Variants in PLEKHA8 observed in about 807,000 individuals in gnomAD.
PLEKHA8 encodes the protein pleckstrin homology domain-containing family A member 8.
Under a neutral mutation model 68.2 loss-of-function variants are expected in PLEKHA8, and 36 were observed. The observed-to-expected ratio is 0.53, with a 90% CI of 0.40 to 0.70. The LOEUF (loss-of-function observed/expected upper bound fraction) is 0.70. PLEKHA8 is among the 30% of genes least tolerant of loss of function. The pLI is 0.00. For missense variants in PLEKHA8, 505 were observed against 615.4 expected, an observed-to-expected ratio of 0.82 and a Z score of 1.90; for synonymous variants, 211 against 216.1, an observed-to-expected ratio of 0.98 and a Z score of 0.20.
Position 30,082,253 on chromosome 7 carries a change from C to T in PLEKHA8, c.*3466C>T. 1.0e-6 allele frequency: 1 copy of T among 985,458 alleles called. No individual in the cohort carries two copies. Among genetic ancestry groups the T allele is most frequent in the African/African-American group, 1.7e-5 (1 of 57,340 alleles). The allele number at this position is 985,458 out of a possible 1,614,324, so 61.0% of individuals were successfully genotyped here. On this transcript the variant is annotated 3_prime_UTR_variant, in exon 14 of 14. Coordinates refer to ENST00000449726, the MANE Select transcript of PLEKHA8 (RefSeq NM_001197026.2). ...GGGATTTCTGAACTCCATAGTCCAG[C>T]GTTGTTGCTTTTCTCTCTTCTTTGC... is the stretch of plus-strand genomic sequence containing the variant.
At chr7:30,116,145 C>T (rs534702003) in intron 13 of PLEKHA8, among the ~76,000 whole-genome samples, 7 of 151,098 alleles carry the variant, frequency 4.6e-5, no homozygotes, top group South Asian at 2.1e-4. Flanking sequence ...TGTATACATA[C>T]GCATACATAC....
At chr7:30,101,548 C>A (rs1291747847) in intron 13 of PLEKHA8, among the ~76,000 whole-genome samples, 1 of 152,070 alleles carries the variant, frequency 6.6e-6, no homozygotes, top group African/African-American at 2.4e-5. Flanking sequence ...CACAGCAGTC[C>A]CATTCATGAG....
chr7:30,072,431 C>T (rs1251653928), intron 12 of PLEKHA8, among the ~76,000 whole-genome samples: 1 of 152,238 alleles, frequency 6.6e-6, no homozygotes, highest in African/African-American at 2.4e-5. Context: ...AATAAAGCCT[C>T]ACTCCAATTT....
intron 13 of PLEKHA8, among the ~76,000 whole-genome samples, chr7:30,120,582 G>T (rs1191396649): frequency 6.6e-6 from 1 of 152,238 alleles, no homozygotes; most frequent in African/African-American, 2.4e-5. Flanking sequence ...ACCTAAATAT[G>T]TAAGGAGGCA....
intron 6 of PLEKHA8, 127 bp from the exon 7 acceptor site, chr7:30,052,582 G>C (rs557705246): frequency 3.0e-5 from 22 of 736,176 alleles, no homozygotes; most frequent in Admixed American, 7.8e-5. Flanking sequence ...GAAGATTGCA[G>C]TGAGCTGTGA....
intron 12 of PLEKHA8, among the ~76,000 whole-genome samples, chr7:30,068,063 A>G (rs571726784): frequency 6.6e-6 from 1 of 152,358 alleles, no homozygotes; most frequent in East Asian, 1.9e-4. Flanking sequence ...CTGGTAGTTC[A>G]TGGGGCCTTA....
intron 13 of PLEKHA8, among the ~76,000 whole-genome samples, chr7:30,107,478 T>C (rs1201947460): frequency 6.6e-6 from 1 of 152,110 alleles, no homozygotes; most frequent in Non-Finnish European, 1.5e-5. Context: ...CTCTTATTTG[T>C]AGTAGTTTAT....
chr7:30,043,087 G>A (rs181273701), intron 1 of PLEKHA8, among the ~76,000 whole-genome samples: 294 of 148,666 alleles, frequency 2.0e-3, no homozygotes, highest in African/African-American at 7.0e-3. Flanking sequence ...CTGCAGCCTC[G>A]ACCTTCCAGG....
rs927035304 is a variant in PLEKHA8 at position 30,065,849 on chromosome 7, C to T, written c.1300+3107C>T. Among the ~76,000 whole-genome samples the T allele has an allele frequency of 1.2e-4, 18 of 152,282 alleles. No individual in the cohort carries two copies. The East Asian group carries it at 1.7e-3, about 15-fold the overall frequency. ...TTCCCTAGGGTCTCAAAATCTCCAT[C>T]GGTGGTTCTCAAGCTGTTCCAAGGT... On this transcript the variant is annotated intron_variant, in intron 12 of 13. Transcript: ENST00000449726.
At chr7:30,090,188 C>A (rs752103875) in exon 13 of PLEKHA8, 68 of 1,549,680 alleles carry the variant, frequency 4.4e-5, no homozygotes, top group Non-Finnish European at 5.8e-5. Flanking sequence ...CCAAAACATA[C>A]CCTGATGAAG....
intron 10 of PLEKHA8, 90 bp downstream of exon 10, chr7:30,061,032 T>A: frequency 1.7e-6 from 2 of 1,201,014 alleles, no homozygotes; most frequent in Admixed American, 1.9e-5. Flanking sequence ...AATCAAAAAG[T>A]GAAAAATGTG....
chr7:30,089,870 A>G (rs1446909703), intron 12 of PLEKHA8, among the ~76,000 whole-genome samples: 1 of 152,236 alleles, frequency 6.6e-6, no homozygotes. Flanking sequence ...AAAATAATAT[A>G]GAACAAATAA....
Position 30,118,895 on chromosome 7 carries a change from G to A in PLEKHA8, c.1363-10371G>A, listed in dbSNP as rs184981772. On this transcript the variant is annotated intron_variant, in intron 13 of 13. Transcript: ENST00000396257. ...ATAGTGGCATCAATGCCTAAGTTAC[G>A]TGACACAGTTTTAGCCACATGCAGA... is the stretch of plus-strand genomic sequence containing the variant. 4.3e-4 allele frequency among the ~76,000 whole-genome samples: 66 copies of A among 152,288 alleles called. 1 individual carries two copies. The highest frequency in any genetic ancestry group is 1.4e-3 in the African/African-American group (57 of 41,544).
intron 1 of PLEKHA8, among the ~76,000 whole-genome samples, chr7:30,037,954 C>G (rs980386568): frequency 3.3e-5 from 5 of 152,104 alleles, no homozygotes; most frequent in Non-Finnish European, 5.9e-5. Flanking sequence ...CCAACCCCCT[C>G]TTAAGGATTT....
In PLEKHA8 at chr7:30,081,704, T is replaced by G. The variant is rs1476031723; in HGVS notation, c.*2917T>G. The G allele has an allele frequency of 1.0e-6, 1 of 985,200 alleles. No homozygotes were observed. Among genetic ancestry groups the G allele is most frequent in the Non-Finnish European group, 1.2e-6 (1 of 829,870 alleles). The allele number at this position is 985,200 out of a possible 1,614,324, so 61.0% of individuals were successfully genotyped here. A position where few individuals can be genotyped will look rare whatever the true frequency, so the allele number is the denominator to read the frequency against. Reference sequence around the variant, plus strand: ...TAGGATTATTTTTCTAGCGTAACCTTTAGAGAGAACTGGAAGAAAAAGGAA... The same window carrying G: ...TAGGATTATTTTTCTAGCGTAACCTGTAGAGAGAACTGGAAGAAAAAGGAA... On this transcript the variant is annotated 3_prime_UTR_variant, in exon 14 of 14. Coordinates refer to ENST00000449726, the MANE Select transcript of PLEKHA8 (RefSeq NM_001197026.2).
chr7:30,045,502 CTT>C (rs1481708063), intron 2 of PLEKHA8, among the ~76,000 whole-genome samples: 1 of 152,194 alleles, frequency 6.6e-6, no homozygotes, highest in Non-Finnish European at 1.5e-5. Context: ...AACTTAAAGT[CTT>C]TACTGCAGCA....
chr7:30,111,076 T>C, intron 13 of PLEKHA8, among the ~76,000 whole-genome samples: 1 of 152,234 alleles, frequency 6.6e-6, no homozygotes, highest in South Asian at 2.1e-4. Flanking sequence ...GGCTAATTTT[T>C]GTATTTTTAG....
At chr7:30,034,832 G>A (rs191314142) in intron 1 of PLEKHA8, among the ~76,000 whole-genome samples, 2 of 151,140 alleles carry the variant, frequency 1.3e-5, no homozygotes, top group Admixed American at 1.3e-4. Flanking sequence ...GGTATCATTT[G>A]CAACACAAAA....
chr7:30,065,500 GA>G (rs1188138501), intron 12 of PLEKHA8, among the ~76,000 whole-genome samples: 2 of 146,500 alleles, frequency 1.4e-5, no homozygotes, highest in Non-Finnish European at 3.0e-5. Context: ...TAGTTACTCA[GA>G]ACCTGTAGGC....
Sources: gnomAD v4.1 joint callset for allele counts (sites outside exome capture counted in the v4.1 genomes callset) on GRCh38, gnomAD v4.1.1 for gene constraint, MANE v1.5 for transcripts, NCBI Gene and HGNC (gene_info 2026-07-23, HGNC 2026-07-21) for gene names.